PDZRN4: variants seen among roughly 807,000 people sequenced by gnomAD.
PDZRN4 encodes PDZ domain containing ring finger 4, also known as PDZ domain-containing RING finger protein 4.
In PDZRN4, 70 loss-of-function variants were observed where a neutral mutation model predicts 99.0. The observed-to-expected ratio is 0.71, with a 90% confidence interval of 0.58 to 0.86. PDZRN4 has a LOEUF of 0.86. PDZRN4 is among the 40% of genes least tolerant of loss of function. The pLI is 0.00. For missense variants in PDZRN4, 1,474 were observed against 1,331.2 expected (o/e 1.11, Z -1.67); for synonymous variants, 551 against 501.6 (o/e 1.10, Z -1.32).
chr12:41,222,167 A>G (rs984628301), intron 3 of PDZRN4, among the ~76,000 whole-genome samples: 3 of 152,188 alleles, frequency 2.0e-5, no homozygotes, highest in Non-Finnish European at 2.9e-5. Context: ...CATGCAGACT[A>G]TCGGAAATTG....
chr12:41,462,783 A>AT (rs36036436), intron 3 of PDZRN4, among the ~76,000 whole-genome samples: 80,403 of 151,470 alleles, frequency 0.53, 22,314 homozygotes, highest in African/African-American at 0.71. Flanking sequence ...TAATTCTGTG[A>AT]TTTTTTTTTC....
chr12:41,530,164 A>C (rs957482213), intron 5 of PDZRN4, among the ~76,000 whole-genome samples: 6 of 152,240 alleles, frequency 3.9e-5, no homozygotes, highest in Non-Finnish European at 7.3e-5. Context: ...CTTTGAACAA[A>C]GATTCAGTGA....
chr12:41,214,445 A>AAAAAAAAAAAAAAAAAAAAAAAC (rs1294779742), intron 3 of PDZRN4, among the ~76,000 whole-genome samples: 1 of 146,866 alleles, frequency 6.8e-6, no homozygotes, highest in African/African-American at 2.5e-5. Context: ...AAAAAAAAAA[A>AAAAAAAAAAAAAAAAAAAAAAAC]AAAAAGTTAT....
intron 3 of PDZRN4, among the ~76,000 whole-genome samples, chr12:41,439,682 A>C (rs1952660829): frequency 6.6e-6 from 1 of 152,118 alleles, no homozygotes. Flanking sequence ...GAAAATAGAT[A>C]AGCCATGCTC....
chr12:41,453,172 G>A (rs1210262079), intron 3 of PDZRN4, among the ~76,000 whole-genome samples: 2 of 152,178 alleles, frequency 1.3e-5, no homozygotes, highest in African/African-American at 4.8e-5. Context: ...TCCAGAGTAG[G>A]AAGAAGCTGC....
intron 3 of PDZRN4, among the ~76,000 whole-genome samples, chr12:41,259,100 C>A (rs1199683176): frequency 2.6e-5 from 4 of 151,962 alleles, no homozygotes; most frequent in Non-Finnish European, 4.4e-5. Flanking sequence ...AGCAAACTTA[C>A]CAAAAGTATA....
At chr12:41,465,930 T>C (rs1952920263) in intron 3 of PDZRN4, among the ~76,000 whole-genome samples, 1 of 152,216 alleles carries the variant, frequency 6.6e-6, no homozygotes, top group Admixed American at 6.5e-5. Flanking sequence ...CCATTATCAG[T>C]TCATTATCAG....
intron 3 of PDZRN4, among the ~76,000 whole-genome samples, chr12:41,342,029 T>C (rs1193627307): frequency 6.6e-6 from 1 of 151,398 alleles, no homozygotes; most frequent in Non-Finnish European, 1.5e-5. Context: ...ACAATAAAAA[T>C]CCCAGAAAAA....
At chr12:41,236,778 C>G (rs545283453) in intron 3 of PDZRN4, among the ~76,000 whole-genome samples, 1 of 152,130 alleles carries the variant, frequency 6.6e-6, no homozygotes, top group South Asian at 2.1e-4. Context: ...ATTAGCTCAC[C>G]ATTCTTTCTG....
chr12:41,447,584 T>C (rs1295543948), intron 3 of PDZRN4, among the ~76,000 whole-genome samples: 1 of 152,144 alleles, frequency 6.6e-6, no homozygotes, highest in African/African-American at 2.4e-5. Context: ...TATAACACAT[T>C]ACAGGCATTA....
At chr12:41,359,686 C>T (rs1404031288) in intron 3 of PDZRN4, among the ~76,000 whole-genome samples, 1 of 144,166 alleles carries the variant, frequency 6.9e-6, no homozygotes, top group East Asian at 1.9e-4. Flanking sequence ...GGCTTTGCTC[C>T]TCCTTTACCT....
chr12:41,385,091 G>A (rs1220604057), intron 3 of PDZRN4, among the ~76,000 whole-genome samples: 1 of 152,170 alleles, frequency 6.6e-6, no homozygotes, highest in African/African-American at 2.4e-5. Flanking sequence ...TTAAAAAATG[G>A]AAAATATTTC....
At chr12:41,312,267 A>G (rs888725511) in intron 3 of PDZRN4, among the ~76,000 whole-genome samples, 11 of 136,404 alleles carry the variant, frequency 8.1e-5, no homozygotes, top group Admixed American at 2.1e-4. Flanking sequence ...TATGGGGAAG[A>G]AAAAAAAAAA....
chr12:41,229,695 C>A (rs1042045783), intron 3 of PDZRN4, among the ~76,000 whole-genome samples: 2 of 151,986 alleles, frequency 1.3e-5, no homozygotes, highest in African/African-American at 4.8e-5. Flanking sequence ...TCATTTGTAA[C>A]CCTTCTTGTG....
chr12:41,412,748 T>A (rs1171438274), intron 3 of PDZRN4, among the ~76,000 whole-genome samples: 2 of 152,180 alleles, frequency 1.3e-5, no homozygotes, highest in Admixed American at 6.5e-5. Flanking sequence ...GAATACCAAA[T>A]GCTGAAGGGG....
intron 3 of PDZRN4, among the ~76,000 whole-genome samples, chr12:41,463,706 C>T (rs1952895369): frequency 6.6e-6 from 1 of 152,098 alleles, no homozygotes; most frequent in African/African-American, 2.4e-5. Flanking sequence ...CCCTGTGATA[C>T]ATTTAAGTCT....
At chr12:41,208,991 G>C (rs1221625191) in intron 3 of PDZRN4, among the ~76,000 whole-genome samples, 19 of 151,934 alleles carry the variant, frequency 1.3e-4, no homozygotes, top group Non-Finnish European at 2.8e-4. Context: ...TTAAGAAAGT[G>C]CTTAACATGG....
At chr12:41,506,851 C>T in intron 4 of PDZRN4, 139 bp downstream of exon 4, 1 of 913,296 alleles carries the variant, frequency 1.1e-6, no homozygotes, top group South Asian at 1.7e-5. Flanking sequence ...AATGTCTCCC[C>T]TGTTTTGATA....
chr12:41,197,923 T>TTTTTTC (rs1950787257), intron 3 of PDZRN4, among the ~76,000 whole-genome samples: 3 of 137,638 alleles, frequency 2.2e-5, no homozygotes, highest in African/African-American at 8.1e-5. Flanking sequence ...TTTCTGGGTT[T>TTTTTTC]TTTTTTTTGG....
Sources: allele counts gnomAD v4.1 joint callset (sites outside exome capture counted in the v4.1 genomes callset), GRCh38; gene constraint gnomAD v4.1.1; transcripts MANE v1.5; gene names NCBI Gene and HGNC (gene_info 2026-07-23, HGNC 2026-07-21).